The following CD276 variants were observed in gnomAD, a reference collection of about 807,000 sequenced individuals.
CD276 encodes the protein CD276 antigen.
Under a neutral mutation model 50.0 loss-of-function variants are expected in CD276, and 34 were observed. The ratio of observed to expected loss-of-function variants is 0.68; its 90% confidence interval spans 0.52 to 0.91. CD276 has a LOEUF of 0.91. Among genes scored for constraint, CD276 ranks in the 40% least tolerant of loss-of-function variants. The pLI is 0.00. For missense variants in CD276, 634 were observed against 717.5 expected (o/e 0.88, Z 1.33); for synonymous variants, 275 against 313.0 (o/e 0.88, Z 1.28).
In CD276 at chr15:73,699,643, C is replaced by G; in HGVS notation, c.4C>G (p.Leu2Val). 2 of 1,613,746 alleles carry G rather than the reference C, an allele frequency of 1.2e-6. No homozygotes were observed. The highest frequency in any genetic ancestry group is 1.7e-6 in the Non-Finnish European group (2 of 1,179,906). M[L>V]RRRGSPGMGV... ...CTGTCAGCCGCCTCACAGGAAGATG[C>G]TGCGTCGGCGGGGCAGCCCTGGCAT... Residue 2 changes from leucine to valine, a missense_variant, in exon 2 of 10, where the codon CTG (leucine) becomes GTG (valine). Transcript: ENST00000318443.
At chr15:73,693,020 G>A (rs542054845) in intron 1 of CD276, among the ~76,000 whole-genome samples, 78 of 152,314 alleles carry the variant, frequency 5.1e-4, no homozygotes, top group African/African-American at 1.8e-3. Flanking sequence ...AAGCAGTGAA[G>A]CTTCTCATGA....
chr15:73,710,818 C>T (rs767099521), intron 8 of CD276, among the ~76,000 whole-genome samples: 6 of 152,218 alleles, frequency 3.9e-5, no homozygotes, highest in Non-Finnish European at 7.3e-5. Flanking sequence ...TAGCTTCTCA[C>T]ATCACCCTGT....
At position 73,708,473 on chromosome 15, in the gene CD276, G is replaced by A. The variant is rs2141580628; in HGVS notation, c.1504G>A (p.Gly502Arg). Residue 502 changes from glycine (G) to arginine (R), a missense_variant and splice_region_variant, in exon 7 of 10, where the codon GGA (glycine) becomes AGA (arginine). Gly to Arg is a moderately radical substitution (Grantham distance 125). Coordinates refer to ENST00000318443, the MANE Select transcript of CD276 (RefSeq NM_001024736.2). ...IKQSCEEENA[G>R]AEDQDGEGEG... The stretch of plus-strand genomic sequence containing the variant: ...ACAGAGCTGTGAGGAGGAGAATGCA[G>A]GTGAGTGTGTGTGTATGTGTGTGCG... 1.2e-6 allele frequency: 2 copies of A among 1,613,032 alleles called. No homozygotes were observed. The highest frequency in any genetic ancestry group is 1.7e-6 in the Non-Finnish European group (2 of 1,179,560).
In CD276 at chr15:73,702,482, G is replaced by A; in HGVS notation, c.307G>A (p.Gly103Ser). 6.2e-7 allele frequency: 1 copy of A among 1,613,658 alleles called. No individual in the cohort carries two copies. Among genetic ancestry groups the A allele is most frequent in the Non-Finnish European group, 8.5e-7 (1 of 1,180,016 alleles). Reference sequence around the variant, plus strand: ...CCTCTTCCCGGACCTGCTGGCACAGGGCAACGCATCCCTGAGGCTGCAGCG... The same window carrying A: ...CCTCTTCCCGGACCTGCTGGCACAGAGCAACGCATCCCTGAGGCTGCAGCG... ...TALFPDLLAQ[G>S]NASLRLQRVR... Residue 103 changes from glycine (G) to serine (S), a missense_variant, in exon 3 of 10, where the codon GGC (glycine) becomes AGC (serine). Physicochemically the swap from Gly to Ser is moderately conservative, Grantham distance 56. Transcript: ENST00000318443.
At position 73,702,032 on chromosome 15, in the gene CD276, G is replaced by T. The variant is rs114509486; in HGVS notation, c.80-223G>T. Among the ~76,000 whole-genome samples, 563 of 152,368 alleles carry T rather than the reference G, an allele frequency of 3.7e-3. 4 individuals carry two copies. Among genetic ancestry groups the T allele is most frequent in the African/African-American group, 0.013 (538 of 41,590 alleles). The stretch of plus-strand genomic sequence containing the variant: ...ATGTAAGTTCTGTGGGGATGTGACC[G>T]TAGTATTGCTCTCTGTTGCATTTCT... On this transcript the variant is annotated intron_variant, in intron 2 of 9. Transcript: ENST00000318443.
intron 7 of CD276, among the ~76,000 whole-genome samples, chr15:73,709,029 G>A (rs1326121618): frequency 6.6e-6 from 1 of 152,176 alleles, no homozygotes. Context: ...GAGAGTAGAT[G>A]GGTAGTCAGA....
rs145757317 is a variant in CD276 at position 73,706,681 on chromosome 15, T to C, written c.1370-1658T>C. On this transcript the variant is annotated intron_variant, in intron 6 of 9. Transcript: ENST00000318443. ...CAGCTTTGTATCATGTCAAACATTC[T>C]GGGATTCAGACTTTCAGTCCTCCAG... Among the ~76,000 whole-genome samples, 276 of 152,350 alleles carry C rather than the reference T, an allele frequency of 1.8e-3. 1 individual carries two copies. Among genetic ancestry groups the C allele is most frequent in the African/African-American group, 6.4e-3 (266 of 41,582 alleles).
intron 7 of CD276, 160 bp downstream of exon 7, chr15:73,708,633 CTT>C (rs1900752377): frequency 2.5e-6 from 2 of 786,564 alleles, no homozygotes; most frequent in Admixed American, 2.5e-5. Context: ...GAGTCTACGT[CTT>C]GTGTGTGTGA....
In CD276 at chr15:73,703,050, A is replaced by G. The variant is rs768897540; in HGVS notation, c.697A>G (p.Ser233Gly). Reference protein sequence around the residue: ...RNPVLQQDAHSSVTITPQRSP... With the variant: ...RNPVLQQDAHGSVTITPQRSP... Reference sequence around the variant, plus strand: ...CCCCGTGCTGCAGCAGGATGCGCACAGCTCTGTCACCATCACACCCCAGAG... The same window carrying G: ...CCCCGTGCTGCAGCAGGATGCGCACGGCTCTGTCACCATCACACCCCAGAG... The change falls in exon 4 of 10, where the codon AGC (serine) becomes GGC (glycine). Residue 233 changes from serine to glycine, a missense_variant. Ser to Gly is a moderately conservative substitution (Grantham distance 56). Coordinates refer to ENST00000318443, the MANE Select transcript of CD276 (RefSeq NM_001024736.2). 8.1e-6 allele frequency: 13 copies of G among 1,611,866 alleles called. No individual in the cohort carries two copies. The highest frequency in any genetic ancestry group is 1.7e-5 in the Admixed American group (1 of 59,692).
At chr15:73,709,064 A>G (rs1397884521) in intron 7 of CD276, among the ~76,000 whole-genome samples, 2 of 152,078 alleles carry the variant, frequency 1.3e-5, no homozygotes, top group Non-Finnish European at 2.9e-5. Flanking sequence ...GGAGGTTGGG[A>G]AGGAGAGGGA....
chr15:73,686,944 GCGACTTCT>G (rs779193804), intron 1 of CD276, among the ~76,000 whole-genome samples: 100 of 152,278 alleles, frequency 6.6e-4, no homozygotes, highest in Non-Finnish European at 1.1e-3. Context: ...TGAGTGGGTG[GCGACTTCT>G]CATTGTCCTT....
intron 1 of CD276, among the ~76,000 whole-genome samples, chr15:73,693,904 G>T: frequency 7.5e-6 from 1 of 134,108 alleles, no homozygotes; most frequent in African/African-American, 2.7e-5. Flanking sequence ...GCGGTGGGTG[G>T]GGGGAGGGGC....
At chr15:73,691,165 T>C (rs1034039889) in intron 1 of CD276, among the ~76,000 whole-genome samples, 3 of 150,514 alleles carry the variant, frequency 2.0e-5, no homozygotes, top group South Asian at 2.1e-4. Flanking sequence ...AGTGAAGATA[T>C]AGCAGACATA....
intron 6 of CD276, among the ~76,000 whole-genome samples, chr15:73,706,143 G>A (rs1275363580): frequency 6.6e-6 from 1 of 152,196 alleles, no homozygotes; most frequent in African/African-American, 2.4e-5. Context: ...CCAGCTACTT[G>A]GGAGGCTGGG....
At chr15:73,691,375 A>C (rs1195419172) in intron 1 of CD276, among the ~76,000 whole-genome samples, 1 of 152,090 alleles carries the variant, frequency 6.6e-6, no homozygotes, top group African/African-American at 2.4e-5. Context: ...TCAATTCTTT[A>C]GATTGTTGGT....
chr15:73,699,427 T>C (rs542527117), intron 1 of CD276, among the ~76,000 whole-genome samples, 159 bp from the exon 2 acceptor site: 2 of 152,354 alleles, frequency 1.3e-5, no homozygotes, highest in East Asian at 3.8e-4. Context: ...CAAGCATCTG[T>C]CACCAAGATT....
chr15:73,700,955 G>A (rs1443471585), intron 2 of CD276, among the ~76,000 whole-genome samples: 200 of 12,600 alleles, frequency 0.016, 2 homozygotes, highest in Admixed American at 0.029. Context: ...CAAGGATGGA[G>A]TGCAGTGGCG....
intron 1 of CD276, among the ~76,000 whole-genome samples, chr15:73,689,262 T>C (rs1023675367): frequency 6.6e-6 from 1 of 151,344 alleles, no homozygotes; most frequent in East Asian, 2.0e-4. Flanking sequence ...AGGTCAGTTT[T>C]GCAGCCCCTG....
Position 73,699,643 on chromosome 15 carries a change from C to T in CD276, c.4C>T (p.Leu2=). Reference sequence around the variant, plus strand: ...CTGTCAGCCGCCTCACAGGAAGATGCTGCGTCGGCGGGGCAGCCCTGGCAT... The same window carrying T: ...CTGTCAGCCGCCTCACAGGAAGATGTTGCGTCGGCGGGGCAGCCCTGGCAT... M[L]RRRGSPGMGV... The change falls in exon 2 of 10, where the codon CTG becomes TTG. Residue 2 remains leucine (L), a synonymous_variant. Transcript: ENST00000318443. The T allele has an allele frequency of 1.2e-6, 2 of 1,613,744 alleles. No individual in the cohort carries two copies. The highest frequency in any genetic ancestry group is 1.1e-5 in the South Asian group (1 of 90,996).
Sources: allele counts gnomAD v4.1 joint callset (sites outside exome capture counted in the v4.1 genomes callset), GRCh38; gene constraint gnomAD v4.1.1; transcripts MANE v1.5; gene names NCBI Gene and HGNC (gene_info 2026-07-23, HGNC 2026-07-21).